The following ZFYVE9 variants were observed in gnomAD, a reference collection of about 807,000 sequenced individuals.
ZFYVE9 encodes the protein zinc finger FYVE domain-containing protein 9.
ZFYVE9 carries 43 observed loss-of-function variants against 126.7 expected under a neutral mutation model. The ratio of observed to expected loss-of-function variants is 0.34; its 90% CI spans 0.27 to 0.44. The LOEUF is 0.44. Ranked by LOEUF, ZFYVE9 falls within the 20% of genes least tolerant of loss-of-function variation. The probability of loss-of-function intolerance (pLI) is 1.00; values close to 1 mark genes in which losing one functional copy is unlikely to be tolerated. For missense variants in ZFYVE9, 1,476 were observed against 1,697.0 expected (o/e 0.87, Z 2.29); for synonymous variants, 521 against 597.4 (o/e 0.87, Z 1.87).
chr1:52,328,895 T>C (rs1177366123), intron 13 of ZFYVE9, among the ~76,000 whole-genome samples: 1 of 152,204 alleles, frequency 6.6e-6, no homozygotes, highest in Non-Finnish European at 1.5e-5. Flanking sequence ...TATTCAATTA[T>C]AGTTTGGATA....
At chr1:52,244,357 G>A (rs1460863042) in intron 4 of ZFYVE9, among the ~76,000 whole-genome samples, 1 of 152,162 alleles carries the variant, frequency 6.6e-6, no homozygotes, top group Non-Finnish European at 1.5e-5. Flanking sequence ...TTAAACAAAG[G>A]AAGAGAAAAA....
intron 13 of ZFYVE9, among the ~76,000 whole-genome samples, chr1:52,322,664 C>T (rs1417052525): frequency 6.6e-6 from 1 of 151,942 alleles, no homozygotes; most frequent in Non-Finnish European, 1.5e-5. Context: ...GAGTGAGCCA[C>T]CATGCCCAGC....
chr1:52,236,132 T>C (rs1410858523), intron 3 of ZFYVE9, among the ~76,000 whole-genome samples: 1 of 152,172 alleles, frequency 6.6e-6, no homozygotes, highest in Non-Finnish European at 1.5e-5. Flanking sequence ...TACGTGTCTC[T>C]TATTCTCCCA....
At chr1:52,345,335 C>T (rs1646474108) in intron 18 of ZFYVE9, among the ~76,000 whole-genome samples, 1 of 152,174 alleles carries the variant, frequency 6.6e-6, no homozygotes, top group East Asian at 1.9e-4. Flanking sequence ...TCCCCCTTCC[C>T]CACTGAGTGA....
chr1:52,198,809 C>T (rs565904095), intron 1 of ZFYVE9, among the ~76,000 whole-genome samples: 1 of 152,262 alleles, frequency 6.6e-6, no homozygotes, highest in Admixed American at 6.5e-5. Context: ...ACCTCCTGCC[C>T]TCACCCACGT....
At chr1:52,331,819 C>T (rs1646344866) in intron 13 of ZFYVE9, among the ~76,000 whole-genome samples, 1 of 147,642 alleles carries the variant, frequency 6.8e-6, no homozygotes, top group Admixed American at 6.8e-5. Context: ...TTGCTCTTTC[C>T]TCAGGCTGGA....
chr1:52,295,469 CCT>C (rs1645964434), intron 11 of ZFYVE9, among the ~76,000 whole-genome samples: 1 of 152,022 alleles, frequency 6.6e-6, no homozygotes, highest in East Asian at 1.9e-4. Flanking sequence ...CATCCTTCTA[CCT>C]CTCAGCCTCC....
intron 13 of ZFYVE9, among the ~76,000 whole-genome samples, chr1:52,316,556 T>A (rs1379370047): frequency 6.6e-6 from 1 of 151,950 alleles, no homozygotes; most frequent in Non-Finnish European, 1.5e-5. Context: ...ATGGCTATAT[T>A]AATATCTAGG....
intron 4 of ZFYVE9, among the ~76,000 whole-genome samples, chr1:52,259,125 G>T (rs2147792032): frequency 6.6e-6 from 1 of 152,288 alleles, no homozygotes; most frequent in South Asian, 2.1e-4. Context: ...GTACGGAAAA[G>T]ATCTCTTCCA....
rs1451313585 is a variant in ZFYVE9 at position 52,160,929 on chromosome 1, A to T, written c.-143+18526A>T. Among the ~76,000 whole-genome samples, 3 of 152,186 alleles carry T rather than the reference A, an allele frequency of 2.0e-5. No homozygotes were observed. The South Asian group carries it at 6.2e-4, about 32-fold the overall frequency. ...GATCAGTATAGCATAGAACATGATA[A>T]TCCCCACTCTCCTTATTCTGGACAT... is the stretch of plus-strand genomic sequence containing the variant. On this transcript the variant is annotated intron_variant, in intron 1 of 18. Transcript: ENST00000287727.
chr1:52,268,509 C>G lies in ZFYVE9; in HGVS notation c.2502C>G (p.Ile834Met), dbSNP rs149206347. 1 of 1,614,174 alleles carries G rather than the reference C, an allele frequency of 6.2e-7. No homozygotes were observed. Among genetic ancestry groups the G allele is most frequent in the Non-Finnish European group, 8.5e-7 (1 of 1,180,022 alleles). Residue 834 changes from isoleucine (I) to methionine (M), a missense_variant, in exon 7 of 19, where the codon ATC (isoleucine) becomes ATG (methionine). Physicochemically the swap from Ile to Met is conservative, Grantham distance 10 (BLOSUM62 1). Around this residue, in one of 2 missense-constraint regions of ZFYVE9, gnomAD observed 669 missense variants for 902.4 expected, o/e 0.74. Coordinates refer to ENST00000287727, the MANE Select transcript of ZFYVE9 (RefSeq NM_004799.4). ...GGCGAGTTTGGTTTGCTGATGGGATCTTGCCCAATGGAGAAGTTGCTGATG... is the reference window on the plus strand; with the variant it reads ...GGCGAGTTTGGTTTGCTGATGGGATGTTGCCCAATGGAGAAGTTGCTGATG... ...EQRRVWFADGILPNGEVADAA... is the reference protein window; with the variant it reads ...EQRRVWFADGMLPNGEVADAA...
intron 1 of ZFYVE9, among the ~76,000 whole-genome samples, chr1:52,187,233 A>G (rs113602148): frequency 0.064 from 9,759 of 152,274 alleles, 869 homozygotes; most frequent in African/African-American, 0.19. Flanking sequence ...TGCCTATTCA[A>G]TAAATGGTGC....
intron 1 of ZFYVE9, among the ~76,000 whole-genome samples, chr1:52,198,177 A>G (rs993653352): frequency 2.6e-5 from 3 of 116,630 alleles, no homozygotes; most frequent in Non-Finnish European, 3.2e-5. Context: ...ACTGGAGTTC[A>G]GTGATGCTAT....
intron 1 of ZFYVE9, among the ~76,000 whole-genome samples, chr1:52,172,194 G>C (rs1478960388): frequency 6.6e-6 from 1 of 152,142 alleles, no homozygotes; most frequent in Non-Finnish European, 1.5e-5. Context: ...GTAAGGAAGG[G>C]ATCCAGTTTC....
At chr1:52,314,896 T>A (rs1646169329) in intron 13 of ZFYVE9, among the ~76,000 whole-genome samples, 1 of 151,932 alleles carries the variant, frequency 6.6e-6, no homozygotes, top group African/African-American at 2.4e-5. Flanking sequence ...GGCACGAGAA[T>A]TGCTTGAAAT....
At chr1:52,339,037 A>T (rs1646412988) in intron 16 of ZFYVE9, among the ~76,000 whole-genome samples, 1 of 152,226 alleles carries the variant, frequency 6.6e-6, no homozygotes, top group South Asian at 2.1e-4. Flanking sequence ...AGATTCAAGA[A>T]CATAAACAGG....
intron 6 of ZFYVE9, 80 bp downstream of exon 6, chr1:52,266,911 A>G (rs560519436): frequency 1.5e-6 from 2 of 1,352,670 alleles, no homozygotes; most frequent in African/African-American, 3.0e-5. Context: ...TTACAGCACA[A>G]GTCTTAAAAA....
At chr1:52,258,715 C>G (rs1244513165) in intron 4 of ZFYVE9, among the ~76,000 whole-genome samples, 1 of 152,186 alleles carries the variant, frequency 6.6e-6, no homozygotes, top group Non-Finnish European at 1.5e-5. Flanking sequence ...ATGAATCTCA[C>G]TACGTCATAG....
intron 2 of ZFYVE9, among the ~76,000 whole-genome samples, chr1:52,218,434 G>C (rs1295726725): frequency 6.6e-6 from 1 of 152,212 alleles, no homozygotes; most frequent in Non-Finnish European, 1.5e-5. Flanking sequence ...GAAGTTGAAT[G>C]GCCCTTGGGG....
Sources: allele counts gnomAD v4.1 joint callset (sites outside exome capture counted in the v4.1 genomes callset), GRCh38; gene constraint gnomAD v4.1.1; regional missense constraint gnomAD v4.1.1; transcripts MANE v1.5; gene names NCBI Gene and HGNC (gene_info 2026-07-23, HGNC 2026-07-21).